The following INSL6 variants were observed in gnomAD, a reference collection of about 807,000 sequenced individuals.
INSL6 encodes the protein insulin like 6.
Under a neutral mutation model 9.4 loss-of-function variants are expected in INSL6, and 16 were observed. That is an observed-to-expected ratio of 1.70 (90% confidence interval 1.15 to 2.59). The LOEUF (loss-of-function observed/expected upper bound fraction) is 2.59. INSL6 is among the 30% of genes most tolerant of loss of function. The pLI, the probability that INSL6 is intolerant of heterozygous loss-of-function variation, is 0.00. For missense variants in INSL6, 391 were observed against 257.3 expected (o/e 1.52, Z -3.56); for synonymous variants, 154 against 96.9 (o/e 1.59, Z -3.46).
the INSL6 span, among the ~76,000 whole-genome samples, chr9:5,049,219 A>G: frequency 2.0e-5 from 3 of 152,178 alleles, no homozygotes; most frequent in African/African-American, 7.2e-5. Flanking sequence ...AAGCACTTCT[A>G]TCATTGCTAC....
the INSL6 span, among the ~76,000 whole-genome samples, chr9:5,102,968 A>G: frequency 5.3e-5 from 8 of 152,172 alleles, no homozygotes; most frequent in Admixed American, 5.2e-4. Flanking sequence ...CATCGATGAT[A>G]GGAAGAAACA....
chr9:5,074,619 G>GTCTCTC, the INSL6 span, among the ~76,000 whole-genome samples: 17 of 152,162 alleles, frequency 1.1e-4, no homozygotes, highest in African/African-American at 4.1e-4. Flanking sequence ...CCATTCCTCT[G>GTCTCTC]TCTCTCTCCC....
Position 5,164,089 on chromosome 9 carries a change from T to C in INSL6, c.466A>G (p.Lys156Glu). ...CCCCAAAACAAATTGCTTAAGGTTTTAATTTTGTTTCTACGTTTCTTCTGA... is the reference window on the plus strand; with the variant it reads ...CCCCAAAACAAATTGCTTAAGGTTTCAATTTTGTTTCTACGTTTCTTCTGA... The part of the protein sequence containing the change: ...KFQKKRRNKI[K>E]TLSNLFWGHH... The change falls in exon 2 of 2, where the codon AAA (lysine) becomes GAA (glutamate). Residue 156 changes from lysine to glutamate, a missense_variant. Transcript: ENST00000381641. 1 of 1,613,326 alleles carries C rather than the reference T, an allele frequency of 6.2e-7. No homozygotes were observed. The highest frequency in any genetic ancestry group is 8.5e-7 in the Non-Finnish European group (1 of 1,179,778).
At chr9:5,139,467 A>G (rs1033374549) in intron 2 of INSL6, among the ~76,000 whole-genome samples, 4 of 152,180 alleles carry the variant, frequency 2.6e-5, no homozygotes, top group Non-Finnish European at 4.4e-5. Flanking sequence ...CTTGAACTGG[A>G]TGACTTTTGC....
At chr9:5,032,321 G>A in the INSL6 span, among the ~76,000 whole-genome samples, 1 of 152,230 alleles carries the variant, frequency 6.6e-6, no homozygotes, top group South Asian at 2.1e-4. Flanking sequence ...CACCTCTGGG[G>A]GCAGGGCATA....
chr9:5,034,433 T>C, the INSL6 span, among the ~76,000 whole-genome samples: 1 of 152,068 alleles, frequency 6.6e-6, no homozygotes, highest in Non-Finnish European at 1.5e-5. Flanking sequence ...ATCAACAGAA[T>C]ATATATTTTC....
chr9:5,069,162 C>T, the INSL6 span: 2 of 1,610,954 alleles, frequency 1.2e-6, no homozygotes, highest in African/African-American at 1.3e-5. Flanking sequence ...TTCGCTCAGA[C>T]AATATAATTT....
At position 5,164,182 on chromosome 9, in the gene INSL6, G is replaced by C. The variant is rs1824993225; in HGVS notation, c.373C>G (p.Leu125Val). The change falls in exon 2 of 2, where the codon CTT becomes GTT. Residue 125 changes from leucine (L) to valine (V), a missense_variant. By Grantham distance (32) the Leu-to-Val change is conservative. Coordinates refer to ENST00000381641, the MANE Select transcript of INSL6 (RefSeq NM_007179.3). ...GAAGAAAATTCTCTTGTCTTACCAAGGGGTGAATATCCCTTTTTATCCTTA... is the reference window on the plus strand; with the variant it reads ...GAAGAAAATTCTCTTGTCTTACCAACGGGTGAATATCCCTTTTTATCCTTA... The part of the protein sequence containing the change: ...EYKDKKGYSP[L>V]GKTREFSSSH... The C allele has an allele frequency of 5.0e-6, 8 of 1,607,398 alleles. No individual in the cohort carries two copies. Among genetic ancestry groups the C allele is most frequent in the Non-Finnish European group, 6.8e-6 (8 of 1,177,444 alleles).
At chr9:4,998,857 G>T in the INSL6 span, among the ~76,000 whole-genome samples, 2 of 151,892 alleles carry the variant, frequency 1.3e-5, no homozygotes, top group African/African-American at 4.8e-5. Context: ...TTGAGATGGA[G>T]TCTCCCTCTG....
At chr9:5,048,844 G>C in the INSL6 span, among the ~76,000 whole-genome samples, 1 of 152,110 alleles carries the variant, frequency 6.6e-6, no homozygotes, top group Non-Finnish European at 1.5e-5. Context: ...AGAGTATAGA[G>C]GGCCCTTGTC....
At chr9:5,181,516 C>A (rs1372729414) in intron 1 of INSL6, among the ~76,000 whole-genome samples, 3 of 151,154 alleles carry the variant, frequency 2.0e-5, no homozygotes, top group African/African-American at 7.3e-5. Context: ...AAAAATTAGC[C>A]TAATAATTAA....
the INSL6 span, among the ~76,000 whole-genome samples, chr9:5,033,631 A>T: frequency 6.6e-6 from 1 of 152,322 alleles, no homozygotes; most frequent in South Asian, 2.1e-4. Flanking sequence ...TGTCATATCC[A>T]GCCAAACTAA....
chr9:5,029,889 T>C, the INSL6 span: 3 of 1,610,024 alleles, frequency 1.9e-6, no homozygotes, highest in African/African-American at 1.3e-5. Context: ...CCAGGCATAA[T>C]GTACTCTACA....
the INSL6 span, among the ~76,000 whole-genome samples, chr9:5,059,171 C>CA: frequency 2.0e-5 from 3 of 152,092 alleles, no homozygotes; most frequent in African/African-American, 7.2e-5. Context: ...ACACCCACCT[C>CA]AAAAAACAGA....
the INSL6 span, chr9:5,050,627 G>C: frequency 6.7e-7 from 1 of 1,487,320 alleles, no homozygotes; most frequent in Non-Finnish European, 9.3e-7. Flanking sequence ...TATAATCATA[G>C]ATTAAAACAT....
At chr9:5,010,730 T>G in the INSL6 span, among the ~76,000 whole-genome samples, 14 of 152,232 alleles carry the variant, frequency 9.2e-5, no homozygotes, top group Non-Finnish European at 2.1e-4. Context: ...TGAGTTTACA[T>G]GTAATATTTC....
the INSL6 span, among the ~76,000 whole-genome samples, chr9:5,040,411 T>C: frequency 1.3e-5 from 2 of 152,110 alleles, no homozygotes; most frequent in Non-Finnish European, 2.9e-5. Flanking sequence ...TTCTTAGATA[T>C]GACACCAAAA....
downstream of INSL6, among the ~76,000 whole-genome samples, chr9:5,159,278 A>G (rs1392475336): frequency 6.6e-6 from 1 of 152,136 alleles, no homozygotes; most frequent in Non-Finnish European, 1.5e-5. Context: ...AATGGCAGGA[A>G]TAAGTCCTTA....
the INSL6 span, among the ~76,000 whole-genome samples, chr9:5,107,428 A>T: frequency 1.3e-5 from 2 of 152,122 alleles, no homozygotes; most frequent in African/African-American, 2.4e-5. Flanking sequence ...AGACTTAGAA[A>T]TCGCTCTAAT....
Sources: allele counts gnomAD v4.1 joint callset (sites outside exome capture counted in the v4.1 genomes callset), GRCh38; gene constraint gnomAD v4.1.1; transcripts MANE v1.5; gene names NCBI Gene and HGNC (gene_info 2026-07-23, HGNC 2026-07-21).